TNRC6B: variants seen among roughly 807,000 people sequenced by gnomAD.
The protein encoded by TNRC6B is trinucleotide repeat containing adaptor 6B.
Under a neutral mutation model 203.6 loss-of-function variants are expected in TNRC6B, and 52 were observed. The ratio of observed to expected loss-of-function variants is 0.26; its 90% CI spans 0.20 to 0.32. TNRC6B has a LOEUF of 0.32. Among genes scored for constraint, TNRC6B ranks in the 10% least tolerant of loss-of-function variants. The pLI, the probability that TNRC6B is intolerant of heterozygous loss-of-function variation, is 1.00. For missense variants in TNRC6B, 1,923 were observed against 2,286.2 expected, an observed-to-expected ratio of 0.84 and a Z score of 3.24; for synonymous variants, 838 against 845.7, an observed-to-expected ratio of 0.99 and a Z score of 0.16.
At chr22:40,243,461 T>C (rs1220757694) in intron 1 of TNRC6B, among the ~76,000 whole-genome samples, 1 of 152,258 alleles carries the variant, frequency 6.6e-6, no homozygotes, top group Non-Finnish European at 1.5e-5. Flanking sequence ...AATTTACTTC[T>C]ATTGAGCATG....
chr22:40,112,363 C>G (rs1224711339), intron 1 of TNRC6B, among the ~76,000 whole-genome samples: 2 of 152,148 alleles, frequency 1.3e-5, no homozygotes, highest in African/African-American at 4.8e-5. Context: ...GAGTTTGGTT[C>G]CCTCTCCATG....
chr22:40,175,866 C>T (rs1321292146), upstream of TNRC6B, among the ~76,000 whole-genome samples: 1 of 152,214 alleles, frequency 6.6e-6, no homozygotes, highest in Admixed American at 6.5e-5. Context: ...AGCTCCTTTC[C>T]TGTCGTCATA....
chr22:40,225,512 T>C (rs1052028707), intron 1 of TNRC6B, among the ~76,000 whole-genome samples: 4 of 152,152 alleles, frequency 2.6e-5, no homozygotes, highest in African/African-American at 9.7e-5. Context: ...GCAGACCACT[T>C]GAGGTCAGGA....
At chr22:40,141,143 C>T (rs532491259) in intron 3 of TNRC6B, among the ~76,000 whole-genome samples, 6 of 148,300 alleles carry the variant, frequency 4.0e-5, no homozygotes, top group Middle Eastern at 7.1e-3. Flanking sequence ...TTTTAATTAA[C>T]GAATTTATTG....
intron 2 of TNRC6B, among the ~76,000 whole-genome samples, chr22:40,120,262 T>C (rs73412604): frequency 0.057 from 8,592 of 149,876 alleles, 788 homozygotes; most frequent in African/African-American, 0.19. Flanking sequence ...GGAAGCCCAG[T>C]GAGGCTGAGG....
chr22:40,070,661 G>C (rs1039755802), intron 1 of TNRC6B, among the ~76,000 whole-genome samples: 2 of 151,612 alleles, frequency 1.3e-5, no homozygotes, highest in African/African-American at 4.8e-5. Context: ...GGTATTTTAA[G>C]AAAAAAATGG....
intron 1 of TNRC6B, among the ~76,000 whole-genome samples, chr22:40,206,550 A>G (rs1011491674): frequency 8.5e-5 from 13 of 152,226 alleles, no homozygotes; most frequent in Non-Finnish European, 1.8e-4. Flanking sequence ...AATTCCCATA[A>G]AAACGCCATG....
chr22:40,234,522 A>T (rs1304849809), intron 1 of TNRC6B, among the ~76,000 whole-genome samples: 2 of 152,170 alleles, frequency 1.3e-5, no homozygotes, highest in East Asian at 1.9e-4. Flanking sequence ...TCTAAATAAG[A>T]ATCTGCGTTT....
At chr22:40,292,608 CAGAATAATT>C (rs1333082961) in intron 12 of TNRC6B, among the ~76,000 whole-genome samples, 1 of 152,182 alleles carries the variant, frequency 6.6e-6, no homozygotes, top group Admixed American at 6.5e-5. Context: ...GCTTTTAAAC[CAGAATAATT>C]AACTCCCTGA....
In TNRC6B at chr22:40,330,202, A is replaced by G. The variant is rs934166770; in HGVS notation, c.*6961A>G. On this transcript the variant is annotated 3_prime_UTR_variant, in exon 23 of 23. Coordinates refer to ENST00000454349, the MANE Select transcript of TNRC6B (RefSeq NM_001162501.2). ...GGTTTTTGTTTTTTTCTTTTTTTTC[A>G]AAAAGGGAAATTCCTCTTTACTGCT... is the stretch of plus-strand genomic sequence containing the variant. 2.6e-5 allele frequency: 4 copies of G among 152,084 alleles called. No individual in the cohort carries two copies. Among genetic ancestry groups the G allele is most frequent in the Non-Finnish European group, 5.9e-5 (4 of 68,014 alleles). The allele number at this position is 152,084 out of a possible 1,614,324, so 9.4% of individuals were successfully genotyped here.
Position 40,266,857 on chromosome 22 carries a change from A to G in TNRC6B, c.2627A>G (p.Glu876Gly). The change falls in exon 5 of 23, where the codon GAA becomes GGA. Residue 876 changes from glutamate (E) to glycine (G), a missense_variant. By Grantham distance (98) the Glu-to-Gly change is moderately conservative (BLOSUM62 -2). This residue lies in a region of TNRC6B where 599 missense variants were observed against 656.5 expected (regional missense o/e 0.91). Coordinates refer to ENST00000454349, the MANE Select transcript of TNRC6B (RefSeq NM_001162501.2). Reference protein sequence around the residue: ...TPKDEEPSGWEEPSPQSISRK... With the variant: ...TPKDEEPSGWGEPSPQSISRK... Reference sequence around the variant, plus strand: ...AAGGATGAGGAACCCAGTGGTTGGGAAGAGCCATCCCCACAGTCAATTAGT... The same window carrying G: ...AAGGATGAGGAACCCAGTGGTTGGGGAGAGCCATCCCCACAGTCAATTAGT... 6.2e-7 allele frequency: 1 copy of G among 1,614,018 alleles called. No individual in the cohort carries two copies. Among genetic ancestry groups the G allele is most frequent in the Non-Finnish European group, 8.5e-7 (1 of 1,179,878 alleles).
chr22:40,122,334 T>C (rs994626970), intron 2 of TNRC6B, among the ~76,000 whole-genome samples: 2 of 152,180 alleles, frequency 1.3e-5, no homozygotes, highest in African/African-American at 4.8e-5. Flanking sequence ...ACTGCTATTA[T>C]GTGTGCCACT....
rs1480429792 is a variant in TNRC6B, at chr22:40,335,193, A to C, written c.*11952A>C. Reference sequence around the variant, plus strand: ...TTTTTTTTTTTTTTTTTTTTTTAGCATAGAGGTTTAATCAAACTCCCATAT... The same window carrying C: ...TTTTTTTTTTTTTTTTTTTTTTAGCCTAGAGGTTTAATCAAACTCCCATAT... On this transcript the variant is annotated 3_prime_UTR_variant, in exon 23 of 23. Transcript: ENST00000454349. The C allele has an allele frequency of 8.2e-6, 1 of 122,604 alleles. No homozygotes were observed. The highest frequency in any genetic ancestry group is 1.6e-5 in the Non-Finnish European group (1 of 61,776). The allele number at this position is 122,604 out of a possible 1,614,324, so 7.6% of individuals were successfully genotyped here. A position where few individuals can be genotyped will look rare whatever the true frequency, so the allele number is the denominator to read the frequency against.
chr22:40,079,624 G>C (rs1898580199), intron 1 of TNRC6B, among the ~76,000 whole-genome samples: 1 of 149,922 alleles, frequency 6.7e-6, no homozygotes, highest in African/African-American at 2.5e-5. Context: ...TTTATTTTTG[G>C]GTTATTTTTT....
At chr22:40,061,935 G>C (rs528749642) in intron 1 of TNRC6B, among the ~76,000 whole-genome samples, 1 of 151,894 alleles carries the variant, frequency 6.6e-6, no homozygotes, top group Admixed American at 6.6e-5. Flanking sequence ...TTAGCTGGGC[G>C]TGGTGGTGGG....
At chr22:40,184,321 C>A (rs1397655573) in intron 1 of TNRC6B, among the ~76,000 whole-genome samples, 1 of 151,974 alleles carries the variant, frequency 6.6e-6, no homozygotes, top group Non-Finnish European at 1.5e-5. Flanking sequence ...AGGGTGGACA[C>A]CTAGAGAGAT....
At chr22:40,272,615 G>A (rs2146510689) in intron 6 of TNRC6B, among the ~76,000 whole-genome samples, 2 of 152,240 alleles carry the variant, frequency 1.3e-5, no homozygotes, top group Middle Eastern at 6.8e-3. Flanking sequence ...TTTTGATTCT[G>A]TACAGTATTT....
chr22:40,239,895 T>C (rs2070004346), intron 1 of TNRC6B, among the ~76,000 whole-genome samples: 1 of 152,130 alleles, frequency 6.6e-6, no homozygotes, highest in Non-Finnish European at 1.5e-5. Context: ...TGGAGTGCAG[T>C]GGCGCGATCT....
intron 1 of TNRC6B, among the ~76,000 whole-genome samples, chr22:40,215,038 C>A (rs1298419957): frequency 6.6e-6 from 1 of 152,068 alleles, no homozygotes; most frequent in Non-Finnish European, 1.5e-5. Flanking sequence ...AGTTTGACAC[C>A]TTACTAAAGA....
Sources: allele counts gnomAD v4.1 joint callset (sites outside exome capture counted in the v4.1 genomes callset), GRCh38; gene constraint gnomAD v4.1.1; regional missense constraint gnomAD v4.1.1; transcripts MANE v1.5; gene names NCBI Gene and HGNC (gene_info 2026-07-23, HGNC 2026-07-21).